NCS1: variants seen among roughly 807,000 people sequenced by gnomAD.
NCS1 encodes the protein neuronal calcium sensor 1, also known as frequenin homolog.
Under a neutral mutation model 28.4 loss-of-function variants are expected in NCS1, and 6 were observed. The observed-to-expected ratio is 0.21, with a 90% CI of 0.12 to 0.42. NCS1 has a LOEUF of 0.42. Ranked by LOEUF, NCS1 falls within the 10% of genes least tolerant of loss-of-function variation. The probability of loss-of-function intolerance (pLI) is 1.00; values close to 1 mark genes in which losing one functional copy is unlikely to be tolerated. For synonymous variants in NCS1, 86 were observed against 99.3 expected (o/e 0.87, Z 0.79); for missense variants, 131 against 241.4 (o/e 0.54, Z 3.03).
chr9:130,190,110 A>C (rs1564704780), intron 1 of NCS1, among the ~76,000 whole-genome samples: 1 of 151,178 alleles, frequency 6.6e-6, no homozygotes, highest in Non-Finnish European at 1.5e-5. Context: ...GCCAGAAATA[A>C]CTTTGGGTTT....
intron 1 of NCS1, among the ~76,000 whole-genome samples, chr9:130,195,688 T>C (rs1832869398): frequency 2.6e-5 from 4 of 152,112 alleles, no homozygotes; most frequent in Admixed American, 2.6e-4. Context: ...CCTCCCAAAG[T>C]GTTGGGATTA....
chr9:130,189,909 T>TATATATATA (rs1564704684), intron 1 of NCS1, among the ~76,000 whole-genome samples: 3 of 125,748 alleles, frequency 2.4e-5, no homozygotes, highest in African/African-American at 9.7e-5. Context: ...TATATATATA[T>TATATATATA]TCCCAAGGTC....
intron 2 of NCS1, among the ~76,000 whole-genome samples, chr9:130,211,462 T>C (rs1833111259): frequency 6.6e-6 from 1 of 151,492 alleles, no homozygotes; most frequent in Non-Finnish European, 1.5e-5. Context: ...TCTCTACTCC[T>C]CCACCCTGGC....
chr9:130,214,568 G>C (rs141234147), intron 2 of NCS1, among the ~76,000 whole-genome samples: 2 of 152,158 alleles, frequency 1.3e-5, no homozygotes, highest in Non-Finnish European at 1.5e-5. Flanking sequence ...CACGTGAAGC[G>C]AACTGGGGAG....
chr9:130,201,273 CA>C (rs1832944386), intron 2 of NCS1, among the ~76,000 whole-genome samples: 1 of 152,132 alleles, frequency 6.6e-6, no homozygotes, highest in African/African-American at 2.4e-5. Flanking sequence ...CCCTGTTCAC[CA>C]AAGAGAAGGG....
At chr9:130,203,637 T>G (rs1226851035) in intron 2 of NCS1, among the ~76,000 whole-genome samples, 1 of 152,104 alleles carries the variant, frequency 6.6e-6, no homozygotes, top group African/African-American at 2.4e-5. Flanking sequence ...CTCAGGGGAC[T>G]GGGGGCTAAG....
chr9:130,182,366 G>A (rs1313071581), intron 1 of NCS1, among the ~76,000 whole-genome samples: 5 of 152,144 alleles, frequency 3.3e-5, no homozygotes, highest in South Asian at 2.1e-4. Context: ...GGGAGGGAGC[G>A]CCCAGTCCCT....
In NCS1 at chr9:130,185,018, C is replaced by T. The variant is rs547584604; in HGVS notation, c.64+12291C>T. Among the ~76,000 whole-genome samples, 74 of 152,264 alleles carry T rather than the reference C, an allele frequency of 4.9e-4. 1 individual carries two copies. The highest frequency in any genetic ancestry group is 3.4e-3 in the Middle Eastern group (1 of 292). ...GGTTACAGGTGTAAGCCACCGCGCC[C>T]GGCCATCCCAGAGGCAGGCACCTAT... On this transcript the variant is annotated intron_variant, in intron 1 of 7. Coordinates refer to ENST00000372398, the MANE Select transcript of NCS1 (RefSeq NM_014286.4).
In NCS1 at chr9:130,192,102, C is replaced by G. The variant is rs1046497597; in HGVS notation, c.65-8856C>G. Among the ~76,000 whole-genome samples the G allele has an allele frequency of 6.6e-6, 1 of 152,158 alleles. No individual in the cohort carries two copies. Among genetic ancestry groups the G allele is most frequent in the African/African-American group, 2.4e-5 (1 of 41,442 alleles). On this transcript the variant is annotated intron_variant, in intron 1 of 7. Coordinates refer to ENST00000372398, the MANE Select transcript of NCS1 (RefSeq NM_014286.4). This position sits in a 1 kb window ranked among gnomAD's most constrained non-coding sequence, Gnocchi z 4.8. ...GGGCAGCTCAGGCCTGGTGCTGGGG[C>G]CCAGCTGCCCTTTAGCCAGGCAGTG...
chr9:130,195,074 C>T (rs1364223123), intron 1 of NCS1, among the ~76,000 whole-genome samples: 6 of 152,306 alleles, frequency 3.9e-5, no homozygotes, highest in East Asian at 1.9e-4. Flanking sequence ...GCTTCTGTCT[C>T]GCACTTGCTG....
chr9:130,184,424 G>A (rs1228362293), intron 1 of NCS1, among the ~76,000 whole-genome samples: 2 of 152,006 alleles, frequency 1.3e-5, no homozygotes, highest in East Asian at 1.9e-4. Context: ...TGCCTCCCAG[G>A]ATTGTGGATG....
intron 5 of NCS1, 111 bp downstream of exon 5, chr9:130,222,849 G>T: frequency 1.7e-6 from 2 of 1,176,110 alleles, no homozygotes; most frequent in Non-Finnish European, 2.5e-6. Flanking sequence ...GGTGGAAGCA[G>T]GGGTCACTGG....
At position 130,191,605 on chromosome 9, in the gene NCS1, C is replaced by A. The variant is rs77949928; in HGVS notation, c.65-9353C>A. Among the ~76,000 whole-genome samples the A allele has an allele frequency of 6.6e-6, 1 of 152,176 alleles. No individual in the cohort carries two copies. The highest frequency in any genetic ancestry group is 1.5e-5 in the Non-Finnish European group (1 of 68,022). Reference sequence around the variant, plus strand: ...GCTCCCCTGATGAGCCCAGGTGCCTCATCCTGAGACAGATACAGCAACAGC... The same window carrying A: ...GCTCCCCTGATGAGCCCAGGTGCCTAATCCTGAGACAGATACAGCAACAGC... On this transcript the variant is annotated intron_variant, in intron 1 of 7. Coordinates refer to ENST00000372398, the MANE Select transcript of NCS1 (RefSeq NM_014286.4). The surrounding 1 kb of genome is among the most constrained non-coding windows in gnomAD (Gnocchi z 6.4).
chr9:130,217,775 T>C, intron 2 of NCS1, 57 bp from the exon 3 acceptor site: 1 of 1,611,446 alleles, frequency 6.2e-7, no homozygotes, highest in South Asian at 1.1e-5. Flanking sequence ...ATGTTGGTGG[T>C]GGGTGGGTGA....
intron 2 of NCS1, among the ~76,000 whole-genome samples, chr9:130,203,920 C>T (rs556256217): frequency 3.3e-5 from 5 of 152,344 alleles, no homozygotes; most frequent in Admixed American, 2.6e-4. Flanking sequence ...GAGCCGCAGA[C>T]AGCAGAGTGG....
In NCS1 at chr9:130,192,167, C is replaced by CT. The variant is rs1314754579; in HGVS notation, c.65-8790dup. Among the ~76,000 whole-genome samples the CT allele has an allele frequency of 1.3e-5, 2 of 152,106 alleles. No homozygotes were observed. The highest frequency in any genetic ancestry group is 2.9e-5 in the Non-Finnish European group (2 of 68,010). On this transcript the variant is annotated intron_variant, in intron 1 of 7. Coordinates refer to ENST00000372398, the MANE Select transcript of NCS1 (RefSeq NM_014286.4). The surrounding 1 kb of genome is among the most constrained non-coding windows in gnomAD (Gnocchi z 4.8). ...TGGGATTGGGAGTGGGGGGTGGTCT[C>CT]TCTTCTCACCCTGGCAGGGGCATCG...
At chr9:130,212,726 T>C (rs1292962879) in intron 2 of NCS1, among the ~76,000 whole-genome samples, 1 of 151,246 alleles carries the variant, frequency 6.6e-6, no homozygotes, top group Non-Finnish European at 1.5e-5. Context: ...GAGTGGGGGA[T>C]GGAGTCACGT....
chr9:130,185,168 G>T (rs549655182), intron 1 of NCS1, among the ~76,000 whole-genome samples: 1 of 152,310 alleles, frequency 6.6e-6, no homozygotes, highest in Non-Finnish European at 1.5e-5. Flanking sequence ...CTCCTCCTCA[G>T]TCCTGGTGGT....
intron 1 of NCS1, among the ~76,000 whole-genome samples, chr9:130,188,561 G>A (rs1263609238): frequency 6.7e-6 from 1 of 150,334 alleles, no homozygotes; most frequent in Non-Finnish European, 1.5e-5. Context: ...ACAGGCATGT[G>A]CCACCATGAC....
Sources: allele counts gnomAD v4.1 joint callset (sites outside exome capture counted in the v4.1 genomes callset), GRCh38; gene constraint gnomAD v4.1.1; non-coding constraint Gnocchi (gnomAD v3.1); transcripts MANE v1.5; gene names NCBI Gene and HGNC (gene_info 2026-07-23, HGNC 2026-07-21).